The following KCNT1 variants were observed in gnomAD, a reference collection of about 807,000 sequenced individuals.
KCNT1 encodes potassium channel subfamily T member 1.
In KCNT1, 78 loss-of-function variants were observed where a neutral mutation model predicts 147.8. The observed-to-expected ratio is 0.53, with a 90% CI of 0.44 to 0.64. The LOEUF (loss-of-function observed/expected upper bound fraction) is 0.64, where lower values mean the gene tolerates loss of function less well. Among genes scored for constraint, KCNT1 ranks in the 30% least tolerant of loss-of-function variants. The pLI, the probability that KCNT1 is intolerant of heterozygous loss-of-function variation, is 0.00. For missense variants in KCNT1, 1,419 were observed against 1,750.3 expected (o/e 0.81, Z 3.38); for synonymous variants, 867 against 748.8 (o/e 1.16, Z -2.58).
At chr9:135,716,113 A>G (rs1835710228) in intron 2 of KCNT1, among the ~76,000 whole-genome samples, 1 of 152,188 alleles carries the variant, frequency 6.6e-6, no homozygotes, top group African/African-American at 2.4e-5. Flanking sequence ...AAGCTTCCCT[A>G]GGCCGAATCC....
rs560435329 is a variant in KCNT1, at chr9:135,784,594, G to T, written c.3003G>T (p.Thr1001=). The change falls in exon 26 of 31, where the codon ACG becomes ACT. Residue 1001 remains threonine (T), a synonymous_variant. Coordinates refer to ENST00000371757, the MANE Select transcript of KCNT1 (RefSeq NM_020822.3). ...GGCTGCTGCTGGGCCTGGACACCACGCCGGGCTCGGGGTACCTCTGTGCCG... is the reference window on the plus strand; with the variant it reads ...GGCTGCTGCTGGGCCTGGACACCACTCCGGGCTCGGGGTACCTCTGTGCCG... ...ITRLLLGLDT[T]PGSGYLCAMK... The T allele has an allele frequency of 1.3e-6, 2 of 1,596,184 alleles. No homozygotes were observed. The highest frequency in any genetic ancestry group is 8.5e-7 in the Non-Finnish European group (1 of 1,171,826).
At chr9:135,704,216 A>G (rs1377505755) in intron 1 of KCNT1, among the ~76,000 whole-genome samples, 3 of 152,180 alleles carry the variant, frequency 2.0e-5, no homozygotes. Context: ...CCTGGAGTCC[A>G]TAGGTCTTGG....
At chr9:135,717,997 C>T (rs907173299) in intron 2 of KCNT1, among the ~76,000 whole-genome samples, 1 of 152,216 alleles carries the variant, frequency 6.6e-6, no homozygotes, top group South Asian at 2.1e-4. Context: ...CCCAAGCCCT[C>T]CCCTATCCAT....
Position 135,742,652 on chromosome 9 carries a change from G to GC in KCNT1, c.255-7443dup, listed in dbSNP as rs1459357690. ...TGTCTGTGCCCCGCCTGGTCCCAGA[G>GC]CCCAGGCTCTCCATCTGTCTGTCTA... On this transcript the variant is annotated intron_variant, in intron 2 of 30. Coordinates refer to ENST00000371757, the MANE Select transcript of KCNT1 (RefSeq NM_020822.3). 8.7e-6 allele frequency: 6 copies of GC among 690,426 alleles called. No individual in the cohort carries two copies. In the African/African-American group the frequency reaches 1.1e-4, roughly 12 times the overall value. The allele number at this position is 690,426 out of a possible 1,614,324, so 42.8% of individuals were successfully genotyped here.
intron 2 of KCNT1, among the ~76,000 whole-genome samples, chr9:135,726,711 C>T (rs1836159537): frequency 1.3e-5 from 2 of 149,884 alleles, no homozygotes; most frequent in African/African-American, 4.9e-5. Context: ...CTCCCTCCCT[C>T]TCTCTCTCTC....
chr9:135,785,390 C>T (rs891072277), intron 28 of KCNT1, 60 bp downstream of exon 28: 1 of 1,601,032 alleles, frequency 6.2e-7, no homozygotes, highest in Non-Finnish European at 8.5e-7. Context: ...CGCAGCTTCA[C>T]ATGGAGAAGC....
intron 2 of KCNT1, among the ~76,000 whole-genome samples, chr9:135,744,170 G>A (rs189686570): frequency 3.3e-5 from 5 of 152,364 alleles, no homozygotes; most frequent in East Asian, 3.9e-4. Flanking sequence ...GGAGCTTCCC[G>A]GCATGGCCAT....
chr9:135,739,400 C>T (rs1051082719), intron 2 of KCNT1, among the ~76,000 whole-genome samples: 3 of 151,874 alleles, frequency 2.0e-5, no homozygotes, highest in African/African-American at 4.8e-5. Flanking sequence ...CCAAGCCCCT[C>T]GCCCTGATGT....
intron 25 of KCNT1, 36 bp from the exon 26 acceptor site, chr9:135,784,496 TCCC>T (rs1564390639): frequency 2.5e-5 from 4 of 157,656 alleles, no homozygotes; most frequent in East Asian, 2.4e-4. Flanking sequence ...CCTCCCTCCC[TCCC>T]TCCCTCCCTC....
chr9:135,740,144 T>C (rs1222703834), intron 2 of KCNT1, among the ~76,000 whole-genome samples: 1 of 152,162 alleles, frequency 6.6e-6, no homozygotes, highest in East Asian at 1.9e-4. Context: ...ATGGCCTCAC[T>C]TTACCTTAAT....
chr9:135,756,757 G>A (rs1831505420), intron 6 of KCNT1, 116 bp from the exon 7 acceptor site: 2 of 867,964 alleles, frequency 2.3e-6, no homozygotes, highest in Admixed American at 3.4e-5. Context: ...GAGGGTCAAG[G>A]CAGACCCCAG....
At chr9:135,736,844 G>T (rs943949024) in intron 2 of KCNT1, 1 of 316,956 alleles carries the variant, frequency 3.2e-6, no homozygotes, top group Non-Finnish European at 5.8e-6. Flanking sequence ...ATCCTGCTCG[G>T]GCTGCGCTGG....
intron 2 of KCNT1, among the ~76,000 whole-genome samples, chr9:135,715,633 A>T (rs1835693949): frequency 2.0e-5 from 3 of 151,904 alleles, no homozygotes; most frequent in Non-Finnish European, 4.4e-5. Flanking sequence ...GTTAGCACAC[A>T]AAGTACACGA....
chr9:135,720,343 C>T (rs1438386731), intron 2 of KCNT1, among the ~76,000 whole-genome samples: 2 of 152,020 alleles, frequency 1.3e-5, no homozygotes, highest in African/African-American at 4.8e-5. Context: ...CCCTGCCCTC[C>T]GAGCCCTCAT....
intron 20 of KCNT1, among the ~76,000 whole-genome samples, chr9:135,776,744 T>C (rs552454040): frequency 6.6e-6 from 1 of 152,342 alleles, no homozygotes; most frequent in Admixed American, 6.5e-5. Flanking sequence ...TGACAGATCG[T>C]TATTGATTCT....
intron 15 of KCNT1, among the ~76,000 whole-genome samples, chr9:135,769,344 T>C (rs1299860149): frequency 1.3e-5 from 2 of 151,972 alleles, no homozygotes. Flanking sequence ...GCAGGGCGCA[T>C]GTGCACGCAG....
Position 135,768,885 on chromosome 9 carries a change from C to T in KCNT1, c.1458C>T (p.Pro486=). 2.5e-6 allele frequency: 4 copies of T among 1,613,610 alleles called. No homozygotes were observed. The highest frequency in any genetic ancestry group is 3.4e-6 in the Non-Finnish European group (4 of 1,179,924). Residue 486 remains proline (P), a synonymous_variant, in exon 15 of 31, where the codon CCC becomes CCT. Coordinates refer to ENST00000371757, the MANE Select transcript of KCNT1 (RefSeq NM_020822.3). ...TGAAGGACTTCGCCCCCAACTGCCC[C>T]CTCTACGTCCAGATCCTCAAACCTG... The part of the protein sequence containing the change: ...WAVKDFAPNC[P]LYVQILKPEN...
chr9:135,713,748 T>C (rs1431183182), intron 1 of KCNT1, among the ~76,000 whole-genome samples: 1 of 152,144 alleles, frequency 6.6e-6, no homozygotes, highest in Non-Finnish European at 1.5e-5. Flanking sequence ...CTGCTTCTCC[T>C]GGAGCAGCCA....
At chr9:135,767,420 GA>G in intron 13 of KCNT1, among the ~76,000 whole-genome samples, 1 of 105,314 alleles carries the variant, frequency 9.5e-6, no homozygotes, top group African/African-American at 4.1e-5. Flanking sequence ...CAGTTTCTTA[GA>G]CAGCGTCTCA....
Sources: gnomAD v4.1 joint callset for allele counts (sites outside exome capture counted in the v4.1 genomes callset) on GRCh38, gnomAD v4.1.1 for gene constraint, MANE v1.5 for transcripts, NCBI Gene and HGNC (gene_info 2026-07-23, HGNC 2026-07-21) for gene names.